The following USP13 variants were observed in gnomAD, a reference collection of about 807,000 sequenced individuals.
USP13 encodes ubiquitin carboxyl-terminal hydrolase 13.
A neutral mutation model predicts 107.8 loss-of-function variants in USP13; 68 were observed. The ratio of observed to expected loss-of-function variants is 0.63; its 90% confidence interval spans 0.52 to 0.77. The LOEUF (loss-of-function observed/expected upper bound fraction) is 0.77. Among genes scored for constraint, USP13 ranks in the 30% least tolerant of loss-of-function variants. The pLI is 0.00. For synonymous variants in USP13, 377 were observed against 389.5 expected (o/e 0.97, Z 0.38); for missense variants, 945 against 1,093.3 (o/e 0.86, Z 1.91).
chr3:179,775,784 A>G (rs1576994416), intron 19 of USP13, among the ~76,000 whole-genome samples: 1 of 152,174 alleles, frequency 6.6e-6, no homozygotes, highest in Non-Finnish European at 1.5e-5. Context: ...TGCTGAGCCC[A>G]TGCTCACCCA....
intron 1 of USP13, among the ~76,000 whole-genome samples, chr3:179,660,936 T>C (rs1008414591): frequency 2.0e-5 from 3 of 152,210 alleles, no homozygotes; most frequent in African/African-American, 4.8e-5. Flanking sequence ...CTTTATACTC[T>C]TTAACTATTT....
Position 179,701,065 on chromosome 3 carries a change from A to G in USP13, c.413A>G (p.Lys138Arg), listed in dbSNP as rs1436360268. 1.2e-6 allele frequency: 2 copies of G among 1,614,040 alleles called. No individual in the cohort carries two copies. Among genetic ancestry groups the G allele is most frequent in the Non-Finnish European group, 1.7e-6 (2 of 1,180,018 alleles). Residue 138 changes from lysine (K) to arginine (R), a missense_variant, in exon 4 of 21, where the codon AAA becomes AGA. Lys to Arg is a conservative substitution (Grantham distance 26, BLOSUM62 2). Transcript: ENST00000263966. ...GATTATGAATATGAAGATGAAGCCA[A>G]ACTTGTTATATTCCCAGATCACTAT... ...SDDYEYEDEA[K>R]LVIFPDHYEI...
At chr3:179,658,504 C>T (rs9874079) in intron 1 of USP13, among the ~76,000 whole-genome samples, 64,780 of 152,006 alleles carry the variant, frequency 0.43, 14,212 homozygotes, top group Middle Eastern at 0.46. Context: ...CAACTGAAAA[C>T]GGGGAGGCTT....
At chr3:179,775,732 C>T (rs1715508733) in intron 19 of USP13, among the ~76,000 whole-genome samples, 1 of 152,226 alleles carries the variant, frequency 6.6e-6, no homozygotes, top group African/African-American at 2.4e-5. Context: ...GCGGACCTGG[C>T]ACCCCCTCCA....
intron 5 of USP13, among the ~76,000 whole-genome samples, chr3:179,708,151 G>C (rs1442758528): frequency 6.6e-6 from 1 of 152,128 alleles, no homozygotes; most frequent in Non-Finnish European, 1.5e-5. Context: ...GTCCCTCATA[G>C]AGGAGTTTTA....
chr3:179,670,185 T>C (rs1435803234), intron 1 of USP13, among the ~76,000 whole-genome samples: 1 of 152,200 alleles, frequency 6.6e-6, no homozygotes, highest in African/African-American at 2.4e-5. Flanking sequence ...CTCAGCCTCC[T>C]AGAGACAACC....
intron 8 of USP13, 124 bp from the exon 9 acceptor site, chr3:179,730,065 T>G: frequency 8.3e-6 from 7 of 844,092 alleles, no homozygotes; most frequent in Non-Finnish European, 1.3e-5. Context: ...GAAAAACTTT[T>G]CTTCAGGTAG....
intron 2 of USP13, among the ~76,000 whole-genome samples, chr3:179,682,896 T>G (rs1190356581): frequency 6.6e-6 from 1 of 152,130 alleles, no homozygotes; most frequent in Non-Finnish European, 1.5e-5. Flanking sequence ...GCCAAGTCTC[T>G]CCCCAGAGTG....
rs1014686881 is a variant in USP13 at position 179,742,623 on chromosome 3, T to G, written c.1534+273T>G. 1.3e-5 allele frequency among the ~76,000 whole-genome samples: 2 copies of G among 152,264 alleles called. No individual in the cohort carries two copies. The highest frequency in any genetic ancestry group is 2.9e-5 in the Non-Finnish European group (2 of 68,042). On this transcript the variant is annotated intron_variant, in intron 12 of 20. Transcript: ENST00000263966. The surrounding 1 kb of genome is among the most constrained non-coding windows in gnomAD (Gnocchi z 5.0). The stretch of plus-strand genomic sequence containing the variant: ...CCAACTACTGAATATGGAGTCAGCA[T>G]AATTTTGGGGAAAATTATTGGTAAT...
chr3:179,754,560 T>G (rs779746912), intron 14 of USP13, among the ~76,000 whole-genome samples, 172 bp from the exon 15 acceptor site: 3 of 152,190 alleles, frequency 2.0e-5, no homozygotes, highest in Admixed American at 6.5e-5. Context: ...CCCTGGGTTC[T>G]CCACTAATAT....
At chr3:179,766,300 G>T (rs912767510) in intron 19 of USP13, among the ~76,000 whole-genome samples, 2 of 152,096 alleles carry the variant, frequency 1.3e-5, no homozygotes, top group Admixed American at 1.3e-4. Context: ...CTTAGAAATG[G>T]TGCAGTTTGC....
intron 1 of USP13, among the ~76,000 whole-genome samples, chr3:179,668,371 G>A (rs1720646501): frequency 6.6e-6 from 1 of 152,150 alleles, no homozygotes; most frequent in Non-Finnish European, 1.5e-5. Context: ...TAGCAGTAAG[G>A]CCTATACTCT....
chr3:179,750,285 TA>T (rs1476153575), intron 13 of USP13, among the ~76,000 whole-genome samples: 3 of 142,154 alleles, frequency 2.1e-5, no homozygotes, highest in Non-Finnish European at 4.5e-5. Flanking sequence ...ATAATAATAA[TA>T]AATATATATA....
At chr3:179,681,238 A>G (rs886378093) in intron 1 of USP13, among the ~76,000 whole-genome samples, 1 of 152,116 alleles carries the variant, frequency 6.6e-6, no homozygotes, top group Non-Finnish European at 1.5e-5. Flanking sequence ...TGACCAAGCG[A>G]GTTACAGAGA....
intron 6 of USP13, among the ~76,000 whole-genome samples, chr3:179,718,901 C>T (rs930639048): frequency 5.5e-4 from 84 of 152,006 alleles, no homozygotes; most frequent in Non-Finnish European, 8.4e-4. Flanking sequence ...GGACTACAGG[C>T]GCCCGCCACC....
chr3:179,682,312 A>T (rs1249523019), intron 2 of USP13, among the ~76,000 whole-genome samples: 8 of 103,876 alleles, frequency 7.7e-5, no homozygotes, highest in Non-Finnish European at 1.8e-4. Flanking sequence ...GGATCCAAAA[A>T]TCATAAAAAA....
In USP13 at chr3:179,721,330, A is replaced by G; in HGVS notation, c.901-72A>G. 6.6e-7 allele frequency: 1 copy of G among 1,509,228 alleles called. No homozygotes were observed. The highest frequency in any genetic ancestry group is 9.0e-7 in the Non-Finnish European group (1 of 1,114,230). 93.5% of individuals were successfully genotyped at this position (1,509,228 alleles called of 1,614,324 possible). A position where few individuals can be genotyped will look rare whatever the true frequency, so the allele number is the denominator to read the frequency against. On this transcript the variant is annotated intron_variant, in intron 7 of 20. Transcript: ENST00000263966. The surrounding 1 kb of genome is among the most constrained non-coding windows in gnomAD (Gnocchi z 4.3). ...GCAGAAACATCCTATGCTGTTAGAA[A>G]TAATTAACGGGACATGACCTTTGAA...
Position 179,742,333 on chromosome 3 carries a change from A to G in USP13, c.1517A>G (p.Glu506Gly). 1 of 1,614,198 alleles carries G rather than the reference A, an allele frequency of 6.2e-7. No homozygotes were observed. Among genetic ancestry groups the G allele is most frequent in the Non-Finnish European group, 8.5e-7 (1 of 1,180,030 alleles). ...CTGATGCAGTTACCTGTGGCCATGG[A>G]GGCGGCAACCAACAAGGGTAACAAT... is the stretch of plus-strand genomic sequence containing the variant. ...DYLMQLPVAMEAATNKDELIA... is the reference protein window; with the variant it reads ...DYLMQLPVAMGAATNKDELIA... The change falls in exon 12 of 21, where the codon GAG becomes GGG. Residue 506 changes from glutamate to glycine, a missense_variant. Coordinates refer to ENST00000263966, the MANE Select transcript of USP13 (RefSeq NM_003940.3). This position sits in a 1 kb window ranked among gnomAD's most constrained non-coding sequence, Gnocchi z 5.0.
chr3:179,721,504 T>A lies in USP13; in HGVS notation c.1003T>A (p.Tyr335Asn). The change falls in exon 8 of 21, where the codon TAC becomes AAC. Residue 335 changes from tyrosine (Y) to asparagine (N), a missense_variant. Physicochemically the swap from Tyr to Asn is moderately radical, Grantham distance 143. Coordinates refer to ENST00000263966, the MANE Select transcript of USP13 (RefSeq NM_003940.3). This position sits in a 1 kb window ranked among gnomAD's most constrained non-coding sequence, Gnocchi z 4.3. Reference sequence around the variant, plus strand: ...ACTGAAGCCAATGTATGGTCCTGGCTACACGGGTCTGAAGAACCTGGGCAA... The same window carrying A: ...ACTGAAGCCAATGTATGGTCCTGGCAACACGGGTCTGAAGAACCTGGGCAA... ...TKLKPMYGPG[Y>N]TGLKNLGNSC... The A allele has an allele frequency of 6.2e-7, 1 of 1,614,210 alleles. No homozygotes were observed. Among genetic ancestry groups the A allele is most frequent in the Non-Finnish European group, 8.5e-7 (1 of 1,180,040 alleles).
Sources: gnomAD v4.1 joint callset for allele counts (sites outside exome capture counted in the v4.1 genomes callset) on GRCh38, gnomAD v4.1.1 for gene constraint, Gnocchi (gnomAD v3.1) non-coding constraint, MANE v1.5 for transcripts, NCBI Gene and HGNC (gene_info 2026-07-23, HGNC 2026-07-21) for gene names.